OSBPL6: variants seen among roughly 807,000 people sequenced by gnomAD.
The protein encoded by OSBPL6 is oxysterol binding protein like 6, also known as oxysterol-binding protein-related protein 6.
A neutral mutation model predicts 125.8 loss-of-function variants in OSBPL6; 49 were observed. The observed-to-expected ratio is 0.39, with a 90% confidence interval of 0.31 to 0.49. OSBPL6 has a LOEUF of 0.49. Ranked by LOEUF, OSBPL6 falls within the 20% of genes least tolerant of loss-of-function variation. OSBPL6 has a pLI of 0.88. For synonymous variants in OSBPL6, 394 were observed against 391.8 expected, an observed-to-expected ratio of 1.01 and a Z score of -0.07; for missense variants, 986 against 1,135.4, an observed-to-expected ratio of 0.87 and a Z score of 1.89.
chr2:178,394,500 C>G, intron 24 of OSBPL6, 65 bp downstream of exon 24: 1 of 1,518,772 alleles, frequency 6.6e-7, no homozygotes, highest in Non-Finnish European at 8.9e-7. Context: ...CCATGAGAAA[C>G]TCCAGTTAAA....
At chr2:178,273,223 A>G (rs959574274) in intron 1 of OSBPL6, among the ~76,000 whole-genome samples, 8 of 152,196 alleles carry the variant, frequency 5.3e-5, no homozygotes, top group Non-Finnish European at 8.8e-5. Context: ...AGGTAAGATC[A>G]TGAAGGATCT....
chr2:178,306,166 C>A lies in OSBPL6; in HGVS notation c.-19C>A. 3 of 1,537,438 alleles carry A rather than the reference C, an allele frequency of 2.0e-6. No individual in the cohort carries two copies. Among genetic ancestry groups the A allele is most frequent in the South Asian group, 1.1e-5 (1 of 89,486 alleles). ...TTGGGATGGTCTTAAGTGCATAAAACGAGACTCTAACTGCAGCGATGAGTT... is the reference window on the plus strand; with the variant it reads ...TTGGGATGGTCTTAAGTGCATAAAAAGAGACTCTAACTGCAGCGATGAGTT... On this transcript the variant is annotated 5_prime_UTR_variant, in exon 3 of 25. Coordinates refer to ENST00000190611, the MANE Select transcript of OSBPL6 (RefSeq NM_032523.4).
chr2:178,379,334 G>A (rs1180117222), intron 15 of OSBPL6, among the ~76,000 whole-genome samples: 2 of 50,988 alleles, frequency 3.9e-5, no homozygotes, highest in South Asian at 7.1e-4. Context: ...AGGAAAGGAA[G>A]GGAGGGAGGG....
intron 14 of OSBPL6, among the ~76,000 whole-genome samples, chr2:178,373,582 T>C (rs1693600510): frequency 6.6e-6 from 1 of 152,208 alleles, no homozygotes; most frequent in Non-Finnish European, 1.5e-5. Flanking sequence ...GACCTAAGAA[T>C]AAGAGAATGA....
intron 1 of OSBPL6, among the ~76,000 whole-genome samples, chr2:178,224,924 G>A (rs570549442): frequency 6.6e-6 from 1 of 152,212 alleles, no homozygotes; most frequent in Admixed American, 6.5e-5. Flanking sequence ...AACAGAGCAA[G>A]ACCCTGTCTG....
intron 13 of OSBPL6, among the ~76,000 whole-genome samples, chr2:178,371,657 A>G (rs1466090712): frequency 1.3e-5 from 2 of 152,224 alleles, no homozygotes. Context: ...TAATTCTATA[A>G]ACTAAAGCCA....
At chr2:178,316,513 T>G (rs1687748928) in intron 3 of OSBPL6, among the ~76,000 whole-genome samples, 1 of 152,148 alleles carries the variant, frequency 6.6e-6, no homozygotes. Context: ...GTGGGAACCT[T>G]TTACTTTTAA....
rs2154081983 is a variant in OSBPL6 at position 178,339,655 on chromosome 2, C to T, written c.895-17C>T. The T allele has an allele frequency of 2.5e-6, 4 of 1,568,956 alleles. No individual in the cohort carries two copies. The highest frequency in any genetic ancestry group is 3.5e-6 in the Non-Finnish European group (4 of 1,158,466). On this transcript the variant is annotated splice_polypyrimidine_tract_variant and intron_variant, in intron 10 of 24. Coordinates refer to ENST00000190611, the MANE Select transcript of OSBPL6 (RefSeq NM_032523.4). Reference sequence around the variant, plus strand: ...CTTAATAATACTTTGTTGCTTTTAACTATTTGTGTAATGTAGGCTAACTGT... The same window carrying T: ...CTTAATAATACTTTGTTGCTTTTAATTATTTGTGTAATGTAGGCTAACTGT...
At chr2:178,383,370 G>C in intron 17 of OSBPL6, 93 bp downstream of exon 17, 1 of 1,468,252 alleles carries the variant, frequency 6.8e-7, no homozygotes, top group Admixed American at 2.5e-5. Context: ...TTTGGCATTT[G>C]CATAATATTC....
intron 18 of OSBPL6, among the ~76,000 whole-genome samples, chr2:178,384,517 A>G (rs1191811485): frequency 2.0e-5 from 3 of 152,228 alleles, no homozygotes; most frequent in African/African-American, 7.2e-5. Context: ...GGAGACTTCC[A>G]GGTCATAGGT....
At chr2:178,302,430 C>A (rs1686377767) in intron 2 of OSBPL6, among the ~76,000 whole-genome samples, 1 of 151,902 alleles carries the variant, frequency 6.6e-6, no homozygotes, top group African/African-American at 2.4e-5. Context: ...TATAGCAGTT[C>A]CTACACTCTA....
At chr2:178,245,157 C>T (rs2091444593) in intron 1 of OSBPL6, among the ~76,000 whole-genome samples, 1 of 152,172 alleles carries the variant, frequency 6.6e-6, no homozygotes, top group South Asian at 2.1e-4. Context: ...ATGAGGAATG[C>T]CTGCCTCCTC....
At chr2:178,340,103 C>T (rs1372523958) in intron 11 of OSBPL6, among the ~76,000 whole-genome samples, 1 of 151,976 alleles carries the variant, frequency 6.6e-6, no homozygotes, top group Non-Finnish European at 1.5e-5. Flanking sequence ...AATGAACACT[C>T]ATTTAAAAAT....
At position 178,399,308 on chromosome 2, in the gene OSBPL6, C is replaced by G. The variant is rs1184034291; in HGVS notation, c.*3749C>G. 1 of 152,118 alleles carries G rather than the reference C, an allele frequency of 6.6e-6. No homozygotes were observed. Among genetic ancestry groups the G allele is most frequent in the East Asian group, 1.9e-4 (1 of 5,192 alleles). The allele number at this position is 152,118 out of a possible 1,614,324, so 9.4% of individuals were successfully genotyped here. A position where few individuals can be genotyped will look rare whatever the true frequency, so the allele number is the denominator to read the frequency against. On this transcript the variant is annotated 3_prime_UTR_variant, in exon 25 of 25. Coordinates refer to ENST00000190611, the MANE Select transcript of OSBPL6 (RefSeq NM_032523.4). ...CCCAGTTGTTTAGAAATAATACTAT[C>G]CAAAGTAGGATTCGGTCCTGTAAGT...
intron 15 of OSBPL6, among the ~76,000 whole-genome samples, chr2:178,381,253 C>A (rs1362268996): frequency 6.6e-6 from 1 of 152,086 alleles, no homozygotes; most frequent in Non-Finnish European, 1.5e-5. Flanking sequence ...TTTCATTTTT[C>A]TGCTAATTTG....
intron 23 of OSBPL6, among the ~76,000 whole-genome samples, chr2:178,393,226 T>G (rs1021750317): frequency 6.6e-6 from 1 of 152,218 alleles, no homozygotes; most frequent in Non-Finnish European, 1.5e-5. Context: ...TCTTTTAAAC[T>G]GAAGAATAAT....
At position 178,401,498 on chromosome 2, in the gene OSBPL6, C is replaced by T. The variant is rs1696103338; in HGVS notation, c.*5939C>T. ...GCCTAAAAGCCTTATTCCTTATATC[C>T]GGAGCCTAAAAGTTTGCTCAAAAGT... On this transcript the variant is annotated 3_prime_UTR_variant, in exon 25 of 25. Coordinates refer to ENST00000190611, the MANE Select transcript of OSBPL6 (RefSeq NM_032523.4). 2 of 152,106 alleles carry T rather than the reference C, an allele frequency of 1.3e-5. No individual in the cohort carries two copies. Among genetic ancestry groups the T allele is most frequent in the African/African-American group, 2.4e-5 (1 of 41,398 alleles). 9.4% of individuals were successfully genotyped at this position (152,106 alleles called of 1,614,324 possible). A position where few individuals can be genotyped will look rare whatever the true frequency, so the allele number is the denominator to read the frequency against.
chr2:178,247,509 C>T (rs1399072954), intron 1 of OSBPL6, among the ~76,000 whole-genome samples: 1 of 152,072 alleles, frequency 6.6e-6, no homozygotes, highest in Non-Finnish European at 1.5e-5. Flanking sequence ...GTCTGGTGGC[C>T]CAGGACAGTG....
intron 1 of OSBPL6, among the ~76,000 whole-genome samples, chr2:178,200,140 C>A (rs1297343224): frequency 1.3e-5 from 2 of 150,974 alleles, no homozygotes; most frequent in Non-Finnish European, 2.9e-5. Flanking sequence ...GGTGCTGGAG[C>A]TTTTTAGTTG....
Sources: allele counts gnomAD v4.1 joint callset (sites outside exome capture counted in the v4.1 genomes callset), GRCh38; gene constraint gnomAD v4.1.1; transcripts MANE v1.5; gene names NCBI Gene and HGNC (gene_info 2026-07-23, HGNC 2026-07-21).